The following NRCAM variants were observed in gnomAD, a reference collection of about 807,000 sequenced individuals.
The protein encoded by NRCAM is NgCAM-related cell adhesion molecule.
Under a neutral mutation model 156.5 loss-of-function variants are expected in NRCAM, and 83 were observed. The ratio of observed to expected loss-of-function variants is 0.53; its 90% CI spans 0.44 to 0.64. The LOEUF (loss-of-function observed/expected upper bound fraction) is 0.64, where lower values mean the gene tolerates loss of function less well. Among genes scored for constraint, NRCAM ranks in the 30% least tolerant of loss-of-function variants. NRCAM has a pLI of 0.00. For synonymous variants in NRCAM, 538 were observed against 563.9 expected, an observed-to-expected ratio of 0.95 and a Z score of 0.65; for missense variants, 1,417 against 1,597.3, an observed-to-expected ratio of 0.89 and a Z score of 1.92.
intron 1 of NRCAM, among the ~76,000 whole-genome samples, chr7:108,451,132 T>C (rs1849777056): frequency 6.6e-6 from 1 of 150,400 alleles, no homozygotes. Flanking sequence ...GGCAGGACAA[T>C]CACTTGAACC....
intron 25 of NRCAM, 96 bp from the exon 26 acceptor site, chr7:108,178,208 G>C: frequency 7.7e-7 from 1 of 1,294,596 alleles, no homozygotes; most frequent in Non-Finnish European, 1.1e-6. Flanking sequence ...TCAAGGTTTT[G>C]AGTTTCAGTA....
intron 2 of NRCAM, among the ~76,000 whole-genome samples, chr7:108,323,046 G>A (rs896128976): frequency 2.6e-5 from 4 of 152,190 alleles, no homozygotes; most frequent in East Asian, 1.9e-4. Flanking sequence ...AAATGTTACC[G>A]GTGTTATGAG....
intron 25 of NRCAM, 78 bp from the exon 26 acceptor site, chr7:108,178,190 C>A (rs1260299523): frequency 4.7e-6 from 7 of 1,476,448 alleles, no homozygotes; most frequent in South Asian, 1.3e-5. Context: ...TCACCGTGCT[C>A]GCACGATTCA....
intron 1 of NRCAM, among the ~76,000 whole-genome samples, chr7:108,405,496 G>A (rs1046871421): frequency 2.6e-5 from 4 of 152,088 alleles, no homozygotes; most frequent in South Asian, 2.1e-4. Flanking sequence ...AATTTCATAC[G>A]TGGACATATT....
At chr7:108,437,470 G>C (rs982239748) in intron 1 of NRCAM, among the ~76,000 whole-genome samples, 8 of 152,116 alleles carry the variant, frequency 5.3e-5, no homozygotes, top group Non-Finnish European at 1.0e-4. Context: ...AAATGCTTGA[G>C]GGGACAGATG....
At chr7:108,357,456 G>A (rs1463714650) in intron 2 of NRCAM, among the ~76,000 whole-genome samples, 6 of 151,510 alleles carry the variant, frequency 4.0e-5, no homozygotes, top group Non-Finnish European at 5.9e-5. Context: ...TCAGCTTCCC[G>A]AGTAGCTGGG....
At chr7:108,387,638 A>G (rs1239960416) in intron 2 of NRCAM, among the ~76,000 whole-genome samples, 1 of 152,138 alleles carries the variant, frequency 6.6e-6, no homozygotes, top group African/African-American at 2.4e-5. Flanking sequence ...ATATGTATAC[A>G]TGTGCCATGT....
chr7:108,219,085 A>G (rs2153659426), intron 11 of NRCAM, among the ~76,000 whole-genome samples: 1 of 152,330 alleles, frequency 6.6e-6, no homozygotes, highest in South Asian at 2.1e-4. Flanking sequence ...GAACACCCTT[A>G]CACACATAAA....
At chr7:108,303,546 C>T (rs1361459569) in intron 3 of NRCAM, among the ~76,000 whole-genome samples, 1 of 152,162 alleles carries the variant, frequency 6.6e-6, no homozygotes, top group African/African-American at 2.4e-5. Context: ...CCACGTGACT[C>T]CTGTACTCAA....
At chr7:108,378,779 G>A (rs553689876) in intron 2 of NRCAM, among the ~76,000 whole-genome samples, 1 of 150,368 alleles carries the variant, frequency 6.7e-6, no homozygotes, top group Non-Finnish European at 1.5e-5. Flanking sequence ...GGTGGATAAA[G>A]AGAAGGAAAG....
chr7:108,192,023 C>CAAT (rs1460599402), intron 17 of NRCAM, among the ~76,000 whole-genome samples, 170 bp from the exon 18 acceptor site: 1 of 152,194 alleles, frequency 6.6e-6, no homozygotes, highest in Non-Finnish European at 1.5e-5. Flanking sequence ...AGTTGAAAAA[C>CAAT]AATGAGAATC....
At chr7:108,232,559 C>A in intron 6 of NRCAM, 37 bp from the exon 7 acceptor site, 1 of 1,440,402 alleles carries the variant, frequency 6.9e-7, no homozygotes, top group South Asian at 1.4e-5. Context: ...TATTAATGGT[C>A]CAGAAAAATG....
At chr7:108,451,035 C>G (rs1849679838) in intron 1 of NRCAM, among the ~76,000 whole-genome samples, 1 of 151,890 alleles carries the variant, frequency 6.6e-6, no homozygotes, top group African/African-American at 2.4e-5. Context: ...CTTGGCCAAC[C>G]TGGTAAAACC....
intron 3 of NRCAM, among the ~76,000 whole-genome samples, chr7:108,255,237 CCG>C (rs1414685682): frequency 2.1e-5 from 3 of 145,710 alleles, no homozygotes; most frequent in Non-Finnish European, 4.5e-5. Flanking sequence ...GACTGTACTG[CCG>C]CCATCTCGGC....
At chr7:108,242,915 T>C (rs2095630923) in intron 3 of NRCAM, 1 of 152,174 alleles carries the variant, frequency 6.6e-6, no homozygotes, top group African/African-American at 2.4e-5. Flanking sequence ...ATTAGACAAA[T>C]TCATATAAAA....
At chr7:108,385,921 G>A (rs1332185111) in intron 2 of NRCAM, among the ~76,000 whole-genome samples, 4 of 151,802 alleles carry the variant, frequency 2.6e-5, no homozygotes, top group Non-Finnish European at 5.9e-5. Context: ...GAGGGAGGGA[G>A]GGAGGGAGAG....
chr7:108,418,366 G>A (rs1292698316), intron 1 of NRCAM, among the ~76,000 whole-genome samples: 4 of 152,084 alleles, frequency 2.6e-5, no homozygotes, highest in Non-Finnish European at 5.9e-5. Flanking sequence ...ATATGCAGGA[G>A]GGCATCTCCA....
intron 2 of NRCAM, among the ~76,000 whole-genome samples, chr7:108,379,547 G>A (rs1360277180): frequency 6.6e-6 from 1 of 152,120 alleles, no homozygotes; most frequent in African/African-American, 2.4e-5. Context: ...CTGACAATGT[G>A]AATGTACTTA....
chr7:108,326,556 G>A (rs1302236130), intron 2 of NRCAM, among the ~76,000 whole-genome samples: 3 of 152,098 alleles, frequency 2.0e-5, no homozygotes, highest in Admixed American at 6.6e-5. Context: ...CAAGAGAACT[G>A]GGCTAACAAA....
Sources: allele counts gnomAD v4.1 joint callset (sites outside exome capture counted in the v4.1 genomes callset), GRCh38; gene constraint gnomAD v4.1.1; transcripts MANE v1.5; gene names NCBI Gene and HGNC (gene_info 2026-07-23, HGNC 2026-07-21).